Variants in HECW1 observed in about 807,000 individuals in gnomAD.
HECW1 encodes HECT, C2 and WW domain containing E3 ubiquitin protein ligase 1, also known as E3 ubiquitin-protein ligase HECW1.
Under a neutral mutation model 182.3 loss-of-function variants are expected in HECW1, and 61 were observed. That is an observed-to-expected ratio of 0.33 (90% CI 0.27 to 0.41). The LOEUF (loss-of-function observed/expected upper bound fraction) is 0.41, where lower values mean the gene tolerates loss of function less well. Ranked by LOEUF, HECW1 falls within the 10% of genes least tolerant of loss-of-function variation. The pLI is 1.00. For synonymous variants in HECW1, 859 were observed against 832.6 expected, an observed-to-expected ratio of 1.03 and a Z score of -0.55; for missense variants, 1,739 against 2,108.9, an observed-to-expected ratio of 0.82 and a Z score of 3.44.
intron 11 of HECW1, among the ~76,000 whole-genome samples, chr7:43,448,906 G>A (rs1383500507): frequency 6.6e-6 from 1 of 152,230 alleles, no homozygotes; most frequent in African/African-American, 2.4e-5. Context: ...CAAGGGTGAT[G>A]ATGTGGAACC....
At chr7:43,392,106 A>G (rs2075052542) in intron 6 of HECW1, among the ~76,000 whole-genome samples, 2 of 152,276 alleles carry the variant, frequency 1.3e-5, no homozygotes, top group South Asian at 4.1e-4. Context: ...TTCCATTATT[A>G]TTATGGAGCC....
At chr7:43,257,694 G>A (rs942979474) in intron 3 of HECW1, among the ~76,000 whole-genome samples, 3 of 152,148 alleles carry the variant, frequency 2.0e-5, no homozygotes, top group Non-Finnish European at 4.4e-5. Context: ...CCTCAACAGA[G>A]TACCAGGAAT....
intron 2 of HECW1, among the ~76,000 whole-genome samples, chr7:43,136,095 C>T (rs969074362): frequency 6.6e-6 from 1 of 151,038 alleles, no homozygotes; most frequent in Non-Finnish European, 1.5e-5. Flanking sequence ...GTTTATTCAC[C>T]TTTGGACAGT....
At position 43,542,182 on chromosome 7, in the gene HECW1, CAAT is replaced by C. The variant is rs146503581; in HGVS notation, c.4248+187_4248+189del. Among the ~76,000 whole-genome samples the C allele has an allele frequency of 9.7e-3, 1,480 of 152,256 alleles. 70 individuals carry two copies. Among genetic ancestry groups the C allele is most frequent in the Admixed American group, 0.07 (1,070 of 15,278 alleles). ...CAAAACAGAAACTGTACCCATTAAA[CAAT>C]AACTTTCCATTTCTCCCACCCACAA... On this transcript the variant is annotated intron_variant, in intron 26 of 29. Coordinates refer to ENST00000395891, the MANE Select transcript of HECW1 (RefSeq NM_015052.5).
At chr7:43,315,304 A>G (rs1481979526) in intron 4 of HECW1, among the ~76,000 whole-genome samples, 1 of 152,138 alleles carries the variant, frequency 6.6e-6, no homozygotes, top group Non-Finnish European at 1.5e-5. Context: ...TATGAAGGAA[A>G]GGCCACAGAA....
At position 43,552,263 on chromosome 7, in the gene HECW1, G is replaced by T; in HGVS notation, c.4437G>T (p.Glu1479Asp). The change falls in exon 28 of 30, where the codon GAG (glutamate) becomes GAT (aspartate). Residue 1479 changes from glutamate (E) to aspartate (D), a missense_variant. By Grantham distance (45) the Glu-to-Asp change is conservative. Transcript: ENST00000395891. The part of the protein sequence containing the change: ...SRLVSVFDAR[E>D]LELVIAGTAE... ...TGGTGTCCGTGTTTGATGCCAGGGA[G>T]CTGGAGCTGGTGATAGCTGGCACCG... 1 of 1,614,030 alleles carries T rather than the reference G, an allele frequency of 6.2e-7. No individual in the cohort carries two copies. Among genetic ancestry groups the T allele is most frequent in the Non-Finnish European group, 8.5e-7 (1 of 1,179,876 alleles).
chr7:43,264,647 C>T (rs1394738361), intron 3 of HECW1, among the ~76,000 whole-genome samples: 2 of 151,996 alleles, frequency 1.3e-5, no homozygotes, highest in Non-Finnish European at 2.9e-5. Context: ...AGACCAAGAC[C>T]ATCCTGGCTA....
In HECW1 at chr7:43,112,943, CG is replaced by C. The variant is rs1242708645; in HGVS notation, c.-267+9del. 4.7e-6 allele frequency: 1 copy of C among 211,908 alleles called. No homozygotes were observed. The highest frequency in any genetic ancestry group is 9.6e-6 in the Non-Finnish European group (1 of 104,390). The allele number at this position is 211,908 out of a possible 1,614,324, so 13.1% of individuals were successfully genotyped here. On this transcript the variant is annotated splice_region_variant and intron_variant, in intron 1 of 29. Transcript: ENST00000395891. ...CCCAGGCCAGGGCTGCCAAGGTAAG[CG>C]GGCGTAGCGCGGGGACACTGTCTGC...
chr7:43,130,390 G>T (rs1339496659), intron 2 of HECW1, among the ~76,000 whole-genome samples: 4 of 152,040 alleles, frequency 2.6e-5, no homozygotes, highest in African/African-American at 9.7e-5. Flanking sequence ...CAATATTTTT[G>T]ATAATTTTAT....
chr7:43,451,307 T>C (rs566288341), intron 12 of HECW1, among the ~76,000 whole-genome samples: 43 of 152,368 alleles, frequency 2.8e-4, no homozygotes, highest in South Asian at 2.5e-3. Context: ...TTGTTCTCCA[T>C]TGGATCTGTT....
At chr7:43,354,912 G>T (rs1002728783) in intron 5 of HECW1, among the ~76,000 whole-genome samples, 3 of 151,842 alleles carry the variant, frequency 2.0e-5, no homozygotes, top group Admixed American at 1.3e-4. Flanking sequence ...CTTAAAAGCA[G>T]CAAGAGAATA....
At chr7:43,301,424 T>TATA (rs1806767808) in intron 3 of HECW1, among the ~76,000 whole-genome samples, 1 of 152,180 alleles carries the variant, frequency 6.6e-6, no homozygotes, top group Admixed American at 6.5e-5. Flanking sequence ...CCCTCACCAT[T>TATA]GTGTCATAGT....
intron 19 of HECW1, among the ~76,000 whole-genome samples, chr7:43,497,982 G>C (rs1490772555): frequency 6.6e-6 from 1 of 152,190 alleles, no homozygotes; most frequent in Admixed American, 6.5e-5. Flanking sequence ...CTGAACTCTA[G>C]GGAAAGTGTG....
chr7:43,434,686 A>T (rs1860754), intron 8 of HECW1, among the ~76,000 whole-genome samples: 1 of 151,846 alleles, frequency 6.6e-6, no homozygotes, highest in South Asian at 2.1e-4. Context: ...GGCATGGAGA[A>T]AAGGGCCTGG....
intron 6 of HECW1, among the ~76,000 whole-genome samples, chr7:43,389,111 TCACGCAAGTCAGGGAAAGA>T (rs2074917420): frequency 6.6e-6 from 1 of 152,172 alleles, no homozygotes; most frequent in South Asian, 2.1e-4. Context: ...AATCTAATTC[TCACGCAAGTCAGGGAAAGA>T]CAGTTTTGAG....
chr7:43,293,310 G>A lies in HECW1; in HGVS notation c.28-18453G>A, dbSNP rs139113591. Among the ~76,000 whole-genome samples the A allele has an allele frequency of 2.4e-4, 36 of 152,138 alleles. No individual in the cohort carries two copies. The East Asian group carries it at 6.8e-3, about 29-fold the overall frequency. ...AGCAGACCCGAGCAGCGGTTCAAGG[G>A]CCCGAATACAGAATCTTCTTGGGTT... On this transcript the variant is annotated intron_variant, in intron 3 of 29. Transcript: ENST00000395891.
chr7:43,375,171 A>G (rs532645641), intron 6 of HECW1, among the ~76,000 whole-genome samples: 17 of 152,344 alleles, frequency 1.1e-4, no homozygotes, highest in African/African-American at 4.1e-4. Flanking sequence ...GAATTTTTGA[A>G]CTGAAGAATG....
intron 19 of HECW1, among the ~76,000 whole-genome samples, chr7:43,497,651 G>A (rs1476585725): frequency 6.6e-6 from 1 of 152,170 alleles, no homozygotes; most frequent in Non-Finnish European, 1.5e-5. Flanking sequence ...TGATGGTCGT[G>A]TGGATAATGG....
chr7:43,281,314 T>C (rs1433576742), intron 3 of HECW1, among the ~76,000 whole-genome samples: 1 of 152,208 alleles, frequency 6.6e-6, no homozygotes, highest in Non-Finnish European at 1.5e-5. Context: ...TCTCTGCGAC[T>C]TGTTGCACCA....
Sources: gnomAD v4.1 joint callset for allele counts (sites outside exome capture counted in the v4.1 genomes callset) on GRCh38, gnomAD v4.1.1 for gene constraint, MANE v1.5 for transcripts, NCBI Gene and HGNC (gene_info 2026-07-23, HGNC 2026-07-21) for gene names.